Variants in OTOF observed in about 807,000 individuals in gnomAD.
The protein encoded by OTOF is otoferlin.
OTOF carries 218 observed loss-of-function variants against 236.8 expected under a neutral mutation model. The observed-to-expected ratio is 0.92, with a 90% CI of 0.82 to 1.03. The LOEUF is 1.03. Among genes scored for constraint, OTOF ranks in the 50% least tolerant of loss-of-function variants. The probability of loss-of-function intolerance (pLI) is 0.00; values close to 1 mark genes in which losing one functional copy is unlikely to be tolerated. For synonymous variants in OTOF, 1,041 were observed against 1,072.5 expected, an observed-to-expected ratio of 0.97 and a Z score of 0.57; for missense variants, 2,590 against 2,694.4, an observed-to-expected ratio of 0.96 and a Z score of 0.86.
At chr2:26,537,618 G>C in intron 2 of OTOF, 98 bp downstream of exon 2, 1 of 905,030 alleles carries the variant, frequency 1.1e-6, no homozygotes, top group Non-Finnish European at 1.8e-6. Flanking sequence ...GCCAGTGCCT[G>C]GGATTTGGGG....
intron 4 of OTOF, among the ~76,000 whole-genome samples, chr2:26,517,898 A>T (rs1666575340): frequency 6.6e-6 from 1 of 151,550 alleles, no homozygotes; most frequent in African/African-American, 2.4e-5. Context: ...CTCTTATCTC[A>T]CTTCCCACAC....
rs189977948 is a variant in OTOF at position 26,554,120 on chromosome 2, G to A, written c.79+4373C>T. Among the ~76,000 whole-genome samples, 525 of 139,452 alleles carry A rather than the reference G, an allele frequency of 3.8e-3. 1 individual carries two copies. Among genetic ancestry groups the A allele is most frequent in the Non-Finnish European group, 6.0e-3 (401 of 66,646 alleles). 91.5% of individuals were successfully genotyped at this position (139,452 alleles called of 152,430 possible). A position where few individuals can be genotyped will look rare whatever the true frequency, so the allele number is the denominator to read the frequency against. On this transcript the variant is annotated intron_variant, in intron 1 of 46. Coordinates refer to ENST00000272371, the MANE Select transcript of OTOF (RefSeq NM_194248.3). ...CAGGAGCTGGAGGTTGCAGTGAGCC[G>A]AGATCGCACTGCACTGCACTCCAGC...
At position 26,479,623 on chromosome 2, in the gene OTOF, G is replaced by T; in HGVS notation, c.1943C>A (p.Ser648Tyr). 2 of 1,612,696 alleles carry T rather than the reference G, an allele frequency of 1.2e-6. No homozygotes were observed. Among genetic ancestry groups the T allele is most frequent in the Non-Finnish European group, 1.7e-6 (2 of 1,179,840 alleles). Residue 648 changes from serine (S) to tyrosine (Y), a missense_variant, in exon 17 of 47, where the codon TCC becomes TAC. Transcript: ENST00000272371. ...GNYGNEVDGL[S>Y]RPQRPRPRKE... ...CCGGGGCCGAGGCCGCTGGGGCCGG[G>T]ACAGGCCATCAACTTCGTTCCCATA...
In OTOF at chr2:26,475,439, G is replaced by C. The variant is rs775969871; in HGVS notation, c.3046C>G (p.Leu1016Val). 6.8e-6 allele frequency: 11 copies of C among 1,613,178 alleles called. No homozygotes were observed. Among genetic ancestry groups the C allele is most frequent in the South Asian group, 6.6e-5 (6 of 91,074 alleles). ...TWDQMLVFDN[L>V]ELYGEAHELR... ...TCATGAGCTTCACCATAGAGCTCCAGGTTGTCGAACACCAGCATCTGGTCC... is the reference window on the plus strand; with the variant it reads ...TCATGAGCTTCACCATAGAGCTCCACGTTGTCGAACACCAGCATCTGGTCC... The change falls in exon 25 of 47, where the codon CTG (leucine) becomes GTG (valine). Residue 1016 changes from leucine to valine, a missense_variant. By Grantham distance (32) the Leu-to-Val change is conservative. Coordinates refer to ENST00000272371, the MANE Select transcript of OTOF (RefSeq NM_194248.3).
At chr2:26,500,419 C>T (rs952292799) in intron 8 of OTOF, among the ~76,000 whole-genome samples, 2 of 152,190 alleles carry the variant, frequency 1.3e-5, no homozygotes, top group African/African-American at 4.8e-5. Context: ...TGACATGATA[C>T]CTGAGTTGGG....
intron 3 of OTOF, among the ~76,000 whole-genome samples, chr2:26,523,857 G>A (rs1301548737): frequency 6.6e-6 from 1 of 152,252 alleles, no homozygotes; most frequent in Non-Finnish European, 1.5e-5. Flanking sequence ...GGGGTTGAGG[G>A]CAGTGGCCTC....
chr2:26,557,726 C>T (rs1667628767), intron 1 of OTOF, among the ~76,000 whole-genome samples: 1 of 151,702 alleles, frequency 6.6e-6, no homozygotes, highest in Non-Finnish European at 1.5e-5. Context: ...CTTCCCTGAC[C>T]ACCGGTCACC....
chr2:26,537,273 T>C (rs1318610286), intron 2 of OTOF, among the ~76,000 whole-genome samples: 4 of 152,214 alleles, frequency 2.6e-5, no homozygotes, highest in Admixed American at 6.5e-5. Flanking sequence ...CTGGGGCTCC[T>C]ACCTCAGTGC....
chr2:26,512,617 G>A (rs1047679473), intron 5 of OTOF, among the ~76,000 whole-genome samples: 2 of 152,200 alleles, frequency 1.3e-5, no homozygotes, highest in Non-Finnish European at 2.9e-5. Context: ...TTGAGTAAAT[G>A]AGCTCCCTAT....
intron 5 of OTOF, among the ~76,000 whole-genome samples, chr2:26,508,537 G>C (rs1196555818): frequency 1.3e-5 from 2 of 152,212 alleles, no homozygotes; most frequent in African/African-American, 4.8e-5. Context: ...CTGACCCCAG[G>C]ATTGTCAGGG....
At chr2:26,466,332 T>G (rs759709002) in intron 36 of OTOF, 151 of 560,934 alleles carry the variant, frequency 2.7e-4, no homozygotes, top group Non-Finnish European at 4.2e-4. Context: ...GTATGCAGCT[T>G]CTTCTTCTTT....
chr2:26,479,170 G>A lies in OTOF; in HGVS notation c.2214+94C>T, dbSNP rs1572433720. ...GCTGGGGCCGTTCCTGCAGCCCCCT[G>A]GGCAGACCAGCTTTGTGTGTTCCAG... is the stretch of plus-strand genomic sequence containing the variant. On this transcript the variant is annotated intron_variant, in intron 18 of 46. Transcript: ENST00000272371. 4.0e-6 allele frequency: 6 copies of A among 1,506,024 alleles called. No individual in the cohort carries two copies. The East Asian group carries it at 1.4e-4, about 36-fold the overall frequency. 93.3% of individuals were successfully genotyped at this position (1,506,024 alleles called of 1,614,324 possible).
chr2:26,480,998 T>C lies in OTOF; in HGVS notation c.1591A>G (p.Thr531Ala), dbSNP rs761763774. The C allele has an allele frequency of 1.9e-6, 3 of 1,612,718 alleles. No individual in the cohort carries two copies. The highest frequency in any genetic ancestry group is 2.2e-5 in the East Asian group (1 of 44,874). The change falls in exon 15 of 47, where the codon ACA becomes GCA. Residue 531 changes from threonine to alanine, a missense_variant. By Grantham distance (58) the Thr-to-Ala change is moderately conservative (BLOSUM62 0). Around this residue, in one of 2 missense-constraint regions of OTOF, gnomAD observed 1,379 missense variants for 1,341.6 expected, o/e 1.03. Transcript: ENST00000272371. ...ATGTTCACCCAGGCTGGGCCCAGTG[T>C]GGGCAGGAAGCCTGTGGCAGTGGGA... is the stretch of plus-strand genomic sequence containing the variant. The part of the protein sequence containing the change: ...SNDGDKGFLP[T>A]LGPAWVNMYG...
intron 3 of OTOF, among the ~76,000 whole-genome samples, chr2:26,522,437 GA>G (rs1666699698): frequency 6.6e-6 from 1 of 152,310 alleles, no homozygotes; most frequent in South Asian, 2.1e-4. Flanking sequence ...TCTTTGGGAA[GA>G]AGCTGGGACA....
chr2:26,512,237 G>A (rs935756398), intron 5 of OTOF, among the ~76,000 whole-genome samples: 3 of 152,162 alleles, frequency 2.0e-5, no homozygotes, highest in Non-Finnish European at 4.4e-5. Context: ...AGAATACTGG[G>A]ACTCAGGAGG....
At position 26,480,854 on chromosome 2, in the gene OTOF, C is replaced by G; in HGVS notation, c.1735G>C (p.Asp579His). Residue 579 changes from aspartate (D) to histidine (H), a missense_variant, in exon 15 of 47, where the codon GAC becomes CAC. By Grantham distance (81) the Asp-to-His change is moderately conservative. Transcript: ENST00000272371. ...LLLGLAVEIV[D>H]TSNPELTSST... Reference sequence around the variant, plus strand: ...CTGGTGAGCTCAGGGTTGGAGGTGTCTACGATCTCCACAGCCAGGCCCAGC... The same window carrying G: ...CTGGTGAGCTCAGGGTTGGAGGTGTGTACGATCTCCACAGCCAGGCCCAGC... The G allele has an allele frequency of 6.2e-7, 1 of 1,612,976 alleles. No individual in the cohort carries two copies. The highest frequency in any genetic ancestry group is 8.5e-7 in the Non-Finnish European group (1 of 1,179,992).
chr2:26,467,110 C>T lies in OTOF; in HGVS notation c.4351G>A (p.Gly1451Arg). ...GCTCCTGGCCTGACCTTGAAGCGTC[C>T]CACAATGCGCTCCTCCTCGGTGGAG... ...DGSTEEERIV[G>R]RFKGSLCVYK... Residue 1451 changes from glycine (G) to arginine (R), a missense_variant, in exon 35 of 47, where the codon GGA (glycine) becomes AGA (arginine). Transcript: ENST00000272371. 6.2e-7 allele frequency: 1 copy of T among 1,613,614 alleles called. No homozygotes were observed. Among genetic ancestry groups the T allele is most frequent in the Admixed American group, 1.7e-5 (1 of 60,012 alleles).
chr2:26,480,567 G>A (rs1158642688), intron 15 of OTOF, among the ~76,000 whole-genome samples: 13 of 152,232 alleles, frequency 8.5e-5, no homozygotes, highest in African/African-American at 2.7e-4. Flanking sequence ...GAGACCTGGC[G>A]GCCGTTGTGA....
chr2:26,483,006 T>A (rs1368218890), intron 13 of OTOF, among the ~76,000 whole-genome samples: 1 of 130,364 alleles, frequency 7.7e-6, no homozygotes, highest in Admixed American at 7.5e-5. Context: ...CATGTGTGCA[T>A]GTGTGAATGG....
Sources: gnomAD v4.1 joint callset for allele counts (sites outside exome capture counted in the v4.1 genomes callset) on GRCh38, gnomAD v4.1.1 for gene constraint, gnomAD v4.1.1 regional missense constraint, MANE v1.5 for transcripts, NCBI Gene and HGNC (gene_info 2026-07-23, HGNC 2026-07-21) for gene names.